ME1: variants seen among roughly 807,000 people sequenced by gnomAD.
The protein encoded by ME1 is NADP-dependent malic enzyme.
In ME1, 74 loss-of-function variants were observed where a neutral mutation model predicts 66.4. The ratio of observed to expected loss-of-function variants is 1.11; its 90% confidence interval spans 0.92 to 1.35. The LOEUF (loss-of-function observed/expected upper bound fraction) is 1.35, where lower values mean the gene tolerates loss of function less well. ME1 is among the 40% of genes most tolerant of loss of function. ME1 has a pLI of 0.00. For synonymous variants in ME1, 251 were observed against 235.6 expected (o/e 1.07, Z -0.60); for missense variants, 750 against 694.1 (o/e 1.08, Z -0.90).
chr6:83,355,916 A>G (rs1334561787), intron 3 of ME1, among the ~76,000 whole-genome samples: 17 of 152,138 alleles, frequency 1.1e-4, no homozygotes, highest in Admixed American at 1.1e-3. Context: ...TAGACATGCC[A>G]ACTAAGAATA....
chr6:83,227,228 G>C, intron 11 of ME1, 107 bp downstream of exon 11: 1 of 603,438 alleles, frequency 1.7e-6, no homozygotes, highest in Non-Finnish European at 2.5e-6. Flanking sequence ...TTTCCATTTT[G>C]GTTGTATAAT....
At chr6:83,286,679 A>G (rs1280114437) in intron 6 of ME1, among the ~76,000 whole-genome samples, 1 of 152,328 alleles carries the variant, frequency 6.6e-6, no homozygotes, top group East Asian at 1.9e-4. Flanking sequence ...ATTCTTTTGC[A>G]TTTATAACAT....
intron 3 of ME1, among the ~76,000 whole-genome samples, chr6:83,384,992 A>G (rs1769480306): frequency 6.6e-6 from 1 of 151,866 alleles, no homozygotes; most frequent in Non-Finnish European, 1.5e-5. Flanking sequence ...AGGCTATGCC[A>G]TGCAAGCATA....
At chr6:83,221,863 G>A (rs1315262231) in intron 12 of ME1, among the ~76,000 whole-genome samples, 4 of 152,140 alleles carry the variant, frequency 2.6e-5, no homozygotes, top group African/African-American at 7.2e-5. Context: ...TAATTTAGAT[G>A]ATATAAAAAA....
At chr6:83,402,178 C>G (rs1017440130) in intron 2 of ME1, among the ~76,000 whole-genome samples, 1 of 152,192 alleles carries the variant, frequency 6.6e-6, no homozygotes, top group Non-Finnish European at 1.5e-5. Flanking sequence ...CTTTTGAAGA[C>G]TCAGTTACCA....
intron 6 of ME1, among the ~76,000 whole-genome samples, chr6:83,288,978 A>C (rs1184139105): frequency 6.6e-6 from 1 of 152,002 alleles, no homozygotes; most frequent in African/African-American, 2.4e-5. Context: ...AGGAATGCTC[A>C]TGATTTTTGC....
intron 3 of ME1, among the ~76,000 whole-genome samples, chr6:83,394,500 T>C (rs1769691567): frequency 6.6e-6 from 1 of 152,204 alleles, no homozygotes; most frequent in African/African-American, 2.4e-5. Context: ...CTAATTATTC[T>C]CTTTATACAA....
intron 7 of ME1, among the ~76,000 whole-genome samples, chr6:83,241,311 G>T (rs1357201039): frequency 6.6e-6 from 1 of 152,104 alleles, no homozygotes; most frequent in Admixed American, 6.5e-5. Context: ...GAGATTCTAT[G>T]ATTTTAAGGG....
chr6:83,425,526 GA>G (rs1439370716), intron 1 of ME1, among the ~76,000 whole-genome samples: 3 of 152,086 alleles, frequency 2.0e-5, no homozygotes, highest in Non-Finnish European at 2.9e-5. Flanking sequence ...CAAAAGGGGG[GA>G]AAGCCCCTTA....
At position 83,406,072 on chromosome 6, in the gene ME1, A is replaced by C. The variant is rs1249161300; in HGVS notation, c.212+1696T>G. On this transcript the variant is annotated intron_variant, in intron 2 of 13. Transcript: ENST00000369705. ...TAATTTTGTCAAAGGCCTTTTCTGC[A>C]TCTATTGAAATAATCATGTGAGTTT... Among the ~76,000 whole-genome samples, 3 of 152,172 alleles carry C rather than the reference A, an allele frequency of 2.0e-5. No homozygotes were observed. The East Asian group carries it at 5.8e-4, about 29-fold the overall frequency.
rs559979935 is a variant in ME1 at position 83,251,822 on chromosome 6, C to T, written c.814+1807G>A. Among the ~76,000 whole-genome samples the T allele has an allele frequency of 9.2e-5, 14 of 152,158 alleles. No individual in the cohort carries two copies. The East Asian group carries it at 9.7e-4, about 11-fold the overall frequency. ...CCACATTCAGGATTTTCATCTTTAT[C>T]CTAAGTACAATGAAAATCCATCAAA... On this transcript the variant is annotated intron_variant, in intron 7 of 13. Coordinates refer to ENST00000369705, the MANE Select transcript of ME1 (RefSeq NM_002395.6).
In ME1 at chr6:83,223,945, A is replaced by T; in HGVS notation, c.1276-12T>A. 1.2e-6 allele frequency: 2 copies of T among 1,610,848 alleles called. No homozygotes were observed. The highest frequency in any genetic ancestry group is 4.5e-5 in the East Asian group (2 of 44,806). ...AAAATTGCACGTCCCTACAACAAAG[A>T]CACATACAACTCACTTTAAAAAGAA... On this transcript the variant is annotated splice_polypyrimidine_tract_variant and intron_variant, in intron 11 of 13. Transcript: ENST00000369705.
intron 7 of ME1, among the ~76,000 whole-genome samples, chr6:83,244,980 C>T (rs1279841502): frequency 6.6e-6 from 1 of 152,100 alleles, no homozygotes; most frequent in Non-Finnish European, 1.5e-5. Context: ...GCAATTACAT[C>T]ACCTGTGACC....
At chr6:83,374,723 T>G (rs1769255394) in intron 3 of ME1, among the ~76,000 whole-genome samples, 1 of 152,184 alleles carries the variant, frequency 6.6e-6, no homozygotes, top group Non-Finnish European at 1.5e-5. Context: ...GTTTTCATGG[T>G]TTTTGGTTTT....
At chr6:83,405,040 G>GA (rs1317385803) in intron 2 of ME1, among the ~76,000 whole-genome samples, 1 of 152,130 alleles carries the variant, frequency 6.6e-6, no homozygotes, top group Non-Finnish European at 1.5e-5. Context: ...CTAATTCTGT[G>GA]AAAAAAGTCA....
chr6:83,314,809 A>G (rs1767998864), intron 6 of ME1, among the ~76,000 whole-genome samples: 1 of 152,206 alleles, frequency 6.6e-6, no homozygotes, highest in Non-Finnish European at 1.5e-5. Context: ...TCATGATGGA[A>G]TGCCCTGTCC....
At chr6:83,342,990 C>T (rs1218614404) in intron 5 of ME1, among the ~76,000 whole-genome samples, 4 of 152,128 alleles carry the variant, frequency 2.6e-5, no homozygotes, top group African/African-American at 7.2e-5. Context: ...GGCCACCTTG[C>T]GTTATCATTT....
chr6:83,279,645 T>C (rs1359979950), intron 6 of ME1, among the ~76,000 whole-genome samples: 1 of 152,122 alleles, frequency 6.6e-6, no homozygotes, highest in Non-Finnish European at 1.5e-5. Flanking sequence ...CCAAGAACTG[T>C]GTGACAATTA....
intron 12 of ME1, 59 bp downstream of exon 12, chr6:83,223,701 C>T: frequency 6.6e-7 from 1 of 1,507,916 alleles, no homozygotes; most frequent in Admixed American, 1.8e-5. Context: ...ATTAGACAAC[C>T]TAGGCTGAGC....
Sources: gnomAD v4.1 joint callset for allele counts (sites outside exome capture counted in the v4.1 genomes callset) on GRCh38, gnomAD v4.1.1 for gene constraint, MANE v1.5 for transcripts, NCBI Gene and HGNC (gene_info 2026-07-23, HGNC 2026-07-21) for gene names.